Variants in TMC2 observed in about 807,000 individuals in gnomAD.
TMC2 encodes the protein transmembrane channel-like protein 2.
A neutral mutation model predicts 105.9 loss-of-function variants in TMC2; 102 were observed. The ratio of observed to expected loss-of-function variants is 0.96; its 90% CI spans 0.82 to 1.14. The LOEUF (loss-of-function observed/expected upper bound fraction) is 1.14, where lower values mean the gene tolerates loss of function less well. Among genes scored for constraint, TMC2 ranks in the 50% most tolerant of loss-of-function variants. The pLI is 0.00. For missense variants in TMC2, 1,093 were observed against 1,134.3 expected (o/e 0.96, Z 0.52); for synonymous variants, 402 against 422.8 (o/e 0.95, Z 0.60).
At chr20:2,613,828 T>C in intron 14 of TMC2, 1 of 218,892 alleles carries the variant, frequency 4.6e-6, no homozygotes, top group South Asian at 6.9e-5. Flanking sequence ...ATTTCCTCTC[T>C]GTAGTGTCCT....
chr20:2,637,189 G>C (rs1272913067), intron 18 of TMC2, among the ~76,000 whole-genome samples: 1 of 142,716 alleles, frequency 7.0e-6, no homozygotes, highest in Non-Finnish European at 1.5e-5. Flanking sequence ...AGGAGTTGAA[G>C]ACCAGCTGGG....
intron 7 of TMC2, among the ~76,000 whole-genome samples, chr20:2,584,017 T>A (rs1256673827): frequency 6.6e-6 from 1 of 152,170 alleles, no homozygotes; most frequent in Admixed American, 6.5e-5. Flanking sequence ...CAGCTAGGGT[T>A]GAAAACTGCT....
At chr20:2,539,378 G>A (rs529028928) in intron 2 of TMC2, among the ~76,000 whole-genome samples, 1 of 152,114 alleles carries the variant, frequency 6.6e-6, no homozygotes, top group Non-Finnish European at 1.5e-5. Flanking sequence ...ATTACAGCAG[G>A]AATTACAGCT....
chr20:2,617,154 G>A lies in TMC2; in HGVS notation c.2023G>A (p.Val675Met). 1 of 1,614,196 alleles carries A rather than the reference G, an allele frequency of 6.2e-7. No homozygotes were observed. The highest frequency in any genetic ancestry group is 8.5e-7 in the Non-Finnish European group (1 of 1,180,034). The change falls in exon 16 of 20, where the codon GTG becomes ATG. Residue 675 changes from valine (V) to methionine (M), a missense_variant. Physicochemically the swap from Val to Met is conservative, Grantham distance 21. Transcript: ENST00000358864. ...LTSMYFQCWA[V>M]MSSNVPHERV... ...CTCCATGTACTTCCAGTGCTGGGCG[G>A]TGATGAGCAGCAACGTACCCCATGA...
At chr20:2,556,515 A>G (rs1393672184) in intron 2 of TMC2, among the ~76,000 whole-genome samples, 1 of 152,184 alleles carries the variant, frequency 6.6e-6, no homozygotes, top group East Asian at 1.9e-4. Flanking sequence ...TCATGCCTAT[A>G]ATCCCAGCAC....
Position 2,641,481 on chromosome 20 carries a change from T to A in TMC2, c.*130T>A. On this transcript the variant is annotated 3_prime_UTR_variant, in exon 20 of 20. Coordinates refer to ENST00000358864, the MANE Select transcript of TMC2 (RefSeq NM_080751.3). Reference sequence around the variant, plus strand: ...GCTCTGTCTCCTCTCTTGGAATGCATGAACTTTGATTCCTTCAGGCCCTTG... The same window carrying A: ...GCTCTGTCTCCTCTCTTGGAATGCAAGAACTTTGATTCCTTCAGGCCCTTG... The A allele has an allele frequency of 6.3e-6, 4 of 631,150 alleles. No individual in the cohort carries two copies. Among genetic ancestry groups the A allele is most frequent in the Non-Finnish European group, 1.1e-5 (4 of 360,548 alleles). The allele number at this position is 631,150 out of a possible 1,614,324, so 39.1% of individuals were successfully genotyped here.
chr20:2,637,922 A>G (rs919309555), intron 19 of TMC2, among the ~76,000 whole-genome samples: 7 of 152,224 alleles, frequency 4.6e-5, no homozygotes, highest in African/African-American at 1.7e-4. Flanking sequence ...TGGTGGCCCC[A>G]TAAGATTATA....
chr20:2,564,411 A>G lies in TMC2; in HGVS notation c.554+2401A>G, dbSNP rs2086049995. 3.3e-5 allele frequency among the ~76,000 whole-genome samples: 5 copies of G among 150,712 alleles called. No individual in the cohort carries two copies. The South Asian group carries it at 6.4e-4, about 19-fold the overall frequency. ...ATGATCCGCCCGCCTCGGCCTCCCA[A>G]AGTGCTGAGATTACAGGCATGAGCC... On this transcript the variant is annotated intron_variant, in intron 4 of 19. Transcript: ENST00000358864.
chr20:2,631,622 C>A (rs1465014349), intron 17 of TMC2, among the ~76,000 whole-genome samples: 1 of 151,900 alleles, frequency 6.6e-6, no homozygotes, highest in Non-Finnish European at 1.5e-5. Flanking sequence ...TATGAAAAAA[C>A]AATTGACTGT....
chr20:2,629,175 T>G (rs562304016), intron 17 of TMC2, among the ~76,000 whole-genome samples: 2 of 152,354 alleles, frequency 1.3e-5, no homozygotes, highest in East Asian at 3.9e-4. Flanking sequence ...CCAAAGTTCT[T>G]GAATCTTCCA....
At chr20:2,543,225 A>G (rs2085903183) in intron 2 of TMC2, among the ~76,000 whole-genome samples, 1 of 152,144 alleles carries the variant, frequency 6.6e-6, no homozygotes, top group Admixed American at 6.5e-5. Context: ...TGACAGAGTG[A>G]GACTCTGTCT....
chr20:2,610,083 TC>T (rs1405007301), intron 11 of TMC2, among the ~76,000 whole-genome samples: 1 of 152,158 alleles, frequency 6.6e-6, no homozygotes, highest in Non-Finnish European at 1.5e-5. Flanking sequence ...TCTCCTGACC[TC>T]ATGATCTGCC....
At chr20:2,631,391 T>C (rs1052381739) in intron 17 of TMC2, among the ~76,000 whole-genome samples, 12 of 152,390 alleles carry the variant, frequency 7.9e-5, no homozygotes, top group African/African-American at 2.4e-4. Flanking sequence ...TTCAAGTTAC[T>C]GTCTAGTGTC....
chr20:2,585,298 T>C (rs2086224245), intron 7 of TMC2, among the ~76,000 whole-genome samples: 1 of 152,260 alleles, frequency 6.6e-6, no homozygotes, highest in Non-Finnish European at 1.5e-5. Context: ...AACTCTACTA[T>C]AAAACATTCA....
At chr20:2,543,943 C>A (rs2085907614) in intron 2 of TMC2, among the ~76,000 whole-genome samples, 2 of 149,960 alleles carry the variant, frequency 1.3e-5, no homozygotes, top group East Asian at 3.9e-4. Flanking sequence ...CGCTCTGTCA[C>A]CCAGGCTGAA....
rs2086000213 is a variant in TMC2 at position 2,558,580 on chromosome 20, C to G, written c.207C>G (p.Pro69=). The change falls in exon 3 of 20, where the codon CCC becomes CCG. Residue 69 remains proline, a synonymous_variant. Transcript: ENST00000358864. The surrounding 1 kb of genome is among the most constrained non-coding windows in gnomAD (Gnocchi z 4.6). ...GGGGCAGCCCAAGCCCGGGGTCTCC[C>G]CGGAGGAAGCAAACAGGGCGCAGGA... ...RAGGSPSPGS[P]RRKQTGRRRH... 1 of 1,553,474 alleles carries G rather than the reference C, an allele frequency of 6.4e-7. No individual in the cohort carries two copies. Among genetic ancestry groups the G allele is most frequent in the Non-Finnish European group, 8.7e-7 (1 of 1,148,216 alleles).
rs2146210453 is a variant in TMC2, at chr20:2,592,191, G to A, written c.835-119G>A. 1.6e-6 allele frequency: 1 copy of A among 607,764 alleles called. No homozygotes were observed. The highest frequency in any genetic ancestry group is 2.9e-6 in the Non-Finnish European group (1 of 342,902). 37.6% of individuals were successfully genotyped at this position (607,764 alleles called of 1,614,324 possible). ...TGAATTAAATTAATAAATACATAAA[G>A]AAAGAAGAAAATAGGTGTATTCCGC... On this transcript the variant is annotated intron_variant, in intron 7 of 19. Transcript: ENST00000358864. The surrounding 1 kb of genome is among the most constrained non-coding windows in gnomAD (Gnocchi z 4.9).
rs552867473 is a variant in TMC2, at chr20:2,565,930, C to T, written c.554+3920C>T. On this transcript the variant is annotated intron_variant, in intron 4 of 19. Transcript: ENST00000358864. Reference sequence around the variant, plus strand: ...TGGTGTGTGCCTGTAATCCCAGCTGCTTGGTGGCTGAGGTAGGAGAATTTT... The same window carrying T: ...TGGTGTGTGCCTGTAATCCCAGCTGTTTGGTGGCTGAGGTAGGAGAATTTT... Among the ~76,000 whole-genome samples, 5 of 152,230 alleles carry T rather than the reference C, an allele frequency of 3.3e-5. No homozygotes were observed. In the South Asian group the frequency reaches 1.0e-3, roughly 32 times the overall value.
intron 7 of TMC2, among the ~76,000 whole-genome samples, chr20:2,590,246 A>T (rs1286008847): frequency 6.6e-6 from 1 of 152,182 alleles, no homozygotes; most frequent in East Asian, 1.9e-4. Context: ...AAGGAAAAAC[A>T]AGGGAATTGT....
Sources: gnomAD v4.1 joint callset for allele counts (sites outside exome capture counted in the v4.1 genomes callset) on GRCh38, gnomAD v4.1.1 for gene constraint, Gnocchi (gnomAD v3.1) non-coding constraint, MANE v1.5 for transcripts, NCBI Gene and HGNC (gene_info 2026-07-23, HGNC 2026-07-21) for gene names.